Variants in ANKRD26 observed in about 807,000 individuals in gnomAD.
The protein encoded by ANKRD26 is ankyrin repeat domain 26.
Under a neutral mutation model 208.7 loss-of-function variants are expected in ANKRD26, and 141 were observed. The ratio of observed to expected loss-of-function variants is 0.68; its 90% CI spans 0.59 to 0.78. The LOEUF (loss-of-function observed/expected upper bound fraction) is 0.78. Ranked by LOEUF, ANKRD26 falls within the 30% of genes least tolerant of loss-of-function variation. The pLI, the probability that ANKRD26 is intolerant of heterozygous loss-of-function variation, is 0.00. For synonymous variants in ANKRD26, 636 were observed against 660.4 expected (o/e 0.96, Z 0.57); for missense variants, 1,889 against 1,938.7 (o/e 0.97, Z 0.48).
At chr10:27,063,259 A>T (rs911776620) in intron 12 of ANKRD26, among the ~76,000 whole-genome samples, 6 of 150,950 alleles carry the variant, frequency 4.0e-5, no homozygotes, top group African/African-American at 1.5e-4. Flanking sequence ...CTCATTTTAA[A>T]CTCTTCCTAC....
Position 27,004,447 on chromosome 10 carries a change from T to A in ANKRD26, c.*1143A>T, listed in dbSNP as rs1258038136. 6.6e-6 allele frequency: 1 copy of A among 152,068 alleles called. No homozygotes were observed. The highest frequency in any genetic ancestry group is 1.5e-5 in the Non-Finnish European group (1 of 68,008). 9.4% of individuals were successfully genotyped at this position (152,068 alleles called of 1,614,324 possible). ...ATGGGGAGTAGAGATATGTACATAG[T>A]CTCAAATTACCTCCCTGTAAAATAC... On this transcript the variant is annotated 3_prime_UTR_variant, in exon 34 of 34. Coordinates refer to ENST00000376087, the MANE Select transcript of ANKRD26 (RefSeq NM_014915.3).
intron 5 of ANKRD26, among the ~76,000 whole-genome samples, chr10:26,979,846 G>A (rs12251173): frequency 0.077 from 11,644 of 152,152 alleles, 1,387 homozygotes; most frequent in African/African-American, 0.26. Context: ...TCCTCAGACC[G>A]AGAGGGCTTT....
At chr10:27,081,032 T>G (rs762178293) in intron 6 of ANKRD26, 18 of 829,712 alleles carry the variant, frequency 2.2e-5, no homozygotes, top group Non-Finnish European at 2.5e-5. Flanking sequence ...AAGCCACCGA[T>G]AAGTTGAGGC....
intron 5 of ANKRD26, among the ~76,000 whole-genome samples, chr10:26,992,524 A>G (rs2052508760): frequency 6.6e-6 from 1 of 151,738 alleles, no homozygotes; most frequent in Non-Finnish European, 1.5e-5. Context: ...AAAAAGAGAG[A>G]GACTTTCCCA....
chr10:27,096,515 G>A (rs7922043), intron 1 of ANKRD26, among the ~76,000 whole-genome samples: 16,209 of 152,090 alleles, frequency 0.11, 1,379 homozygotes, highest in East Asian at 0.27. Flanking sequence ...TGTAATCCCA[G>A]CACTTTGGGA....
Position 27,042,824 on chromosome 10 carries a change from G to T in ANKRD26, c.2161+602C>A, listed in dbSNP as rs2054302140. Among the ~76,000 whole-genome samples the T allele has an allele frequency of 5.5e-5, 8 of 146,164 alleles. No homozygotes were observed. The South Asian group carries it at 1.6e-3, about 28-fold the overall frequency. On this transcript the variant is annotated intron_variant, in intron 20 of 33. Coordinates refer to ENST00000376087, the MANE Select transcript of ANKRD26 (RefSeq NM_014915.3). ...AAAAAAAAAAAAAAAAAAAAAGCTG[G>T]GTGTGGTGGCACACGCCTATCATAT...
chr10:27,017,892 T>C, intron 29 of ANKRD26, 100 bp from the exon 30 acceptor site: 2 of 1,125,008 alleles, frequency 1.8e-6, no homozygotes, highest in Non-Finnish European at 2.5e-6. Context: ...TCAGTTGCAA[T>C]AAAATGTCAC....
intron 5 of ANKRD26, among the ~76,000 whole-genome samples, chr10:26,994,771 C>T (rs1022324781): frequency 4.6e-5 from 7 of 152,112 alleles, no homozygotes; most frequent in Admixed American, 3.3e-4. Context: ...TGGGTTGCCC[C>T]GAGAAGGTTA....
intron 4 of ANKRD26, among the ~76,000 whole-genome samples, chr10:27,091,637 A>C (rs1320842424): frequency 6.6e-6 from 1 of 152,224 alleles, no homozygotes; most frequent in Non-Finnish European, 1.5e-5. Flanking sequence ...TTCTGAAGGA[A>C]AAGTACATAA....
intron 6 of ANKRD26, chr10:27,080,049 TG>T: frequency 2.5e-6 from 1 of 395,130 alleles, no homozygotes; most frequent in East Asian, 1.1e-4. Context: ...CCCAGCTACT[TG>T]GGAGGTGGAG....
At position 27,062,270 on chromosome 10, in the gene ANKRD26, G is replaced by A. The variant is rs189680243; in HGVS notation, c.1364-1028C>T. ...TCTCTTTGTTTCTTCTCCTCTGGAAGAAACATGCTCAGAAATAAAAGAAAA... is the reference window on the plus strand; with the variant it reads ...TCTCTTTGTTTCTTCTCCTCTGGAAAAAACATGCTCAGAAATAAAAGAAAA... On this transcript the variant is annotated intron_variant, in intron 12 of 33. Transcript: ENST00000376087. The A allele has an allele frequency of 3.3e-6, 3 of 915,444 alleles. No homozygotes were observed. In the East Asian group the frequency reaches 3.5e-4, roughly 108 times the overall value. The allele number at this position is 915,444 out of a possible 1,614,324, so 56.7% of individuals were successfully genotyped here.
At position 27,014,500 on chromosome 10, in the gene ANKRD26, A is replaced by C; in HGVS notation, c.4718T>G (p.Leu1573Arg). Residue 1573 changes from leucine to arginine, a missense_variant, in exon 31 of 34, where the codon CTA becomes CGA. This residue lies in a region of ANKRD26 where 613 missense variants were observed against 648.2 expected (regional missense o/e 0.95). Transcript: ENST00000376087. Reference sequence around the variant, plus strand: ...ATTCTATATTTTGACTTACTTGGTTAGTTTACTTGACAAAGATTTTCTAAC... The same window carrying C: ...ATTCTATATTTTGACTTACTTGGTTCGTTTACTTGACAAAGATTTTCTAAC... ...LKVRKSLSSKLTKTNERLAEV... is the reference protein window; with the variant it reads ...LKVRKSLSSKRTKTNERLAEV... 1 of 1,559,844 alleles carries C rather than the reference A, an allele frequency of 6.4e-7. No individual in the cohort carries two copies. The highest frequency in any genetic ancestry group is 2.3e-5 in the East Asian group (1 of 44,428).
exon 6 of ANKRD26, among the ~76,000 whole-genome samples, chr10:26,974,281 T>G (rs894926590): frequency 6.6e-6 from 1 of 152,230 alleles, no homozygotes; most frequent in Non-Finnish European, 1.5e-5. Context: ...TAGATTTACC[T>G]ACATAATTAC....
At chr10:26,973,938 T>C (rs1275988487) in exon 6 of ANKRD26, among the ~76,000 whole-genome samples, 2 of 152,104 alleles carry the variant, frequency 1.3e-5, no homozygotes, top group Non-Finnish European at 2.9e-5. Context: ...ATTACAGGCG[T>C]GAGCCACTGT....
intron 5 of ANKRD26, among the ~76,000 whole-genome samples, chr10:26,977,947 A>C (rs2052251253): frequency 6.6e-6 from 1 of 151,816 alleles, no homozygotes; most frequent in African/African-American, 2.4e-5. Flanking sequence ...CAACAACAAC[A>C]AAAAAAACAG....
At chr10:27,046,671 T>C (rs2054458899) in intron 17 of ANKRD26, 148 bp from the exon 18 acceptor site, 1 of 827,858 alleles carries the variant, frequency 1.2e-6, no homozygotes, top group Non-Finnish European at 1.8e-6. Context: ...ATAAAAATAA[T>C]TTTTTATAAA....
At chr10:27,085,122 A>T (rs1194126894) in intron 5 of ANKRD26, among the ~76,000 whole-genome samples, 2 of 151,054 alleles carry the variant, frequency 1.3e-5, no homozygotes, top group Non-Finnish European at 2.9e-5. Flanking sequence ...TTTTTTTGAG[A>T]TGGAGTCTCG....
At chr10:26,971,844 C>T (rs1470626009), downstream of ANKRD26, among the ~76,000 whole-genome samples, 2 of 152,124 alleles carry the variant, frequency 1.3e-5, no homozygotes, top group Admixed American at 1.3e-4. Flanking sequence ...TCATACCATC[C>T]TTCAATATTA....
rs1237450869 is a variant in ANKRD26 at position 27,037,974 on chromosome 10, T to C, written c.2456A>G (p.Lys819Arg). The change falls in exon 22 of 34, where the codon AAA becomes AGA. Residue 819 changes from lysine (K) to arginine (R), a missense_variant. By Grantham distance (26) the Lys-to-Arg change is conservative. Around this residue, in one of 3 missense-constraint regions of ANKRD26, gnomAD observed 1,272 missense variants for 1,273.8 expected, o/e 1.00. Coordinates refer to ENST00000376087, the MANE Select transcript of ANKRD26 (RefSeq NM_014915.3). ...AACTTCTTTCCTATATTGCTCTTCT[T>C]TTCTTCTTAACTGTTCCCTAATTTT... is the stretch of plus-strand genomic sequence containing the variant. ...YEKIREQLRR[K>R]EEQYRKEVEV... is the part of the protein sequence containing the mutation. 4 of 1,613,158 alleles carry C rather than the reference T, an allele frequency of 2.5e-6. No homozygotes were observed.
Sources: gnomAD v4.1 joint callset for allele counts (sites outside exome capture counted in the v4.1 genomes callset) on GRCh38, gnomAD v4.1.1 for gene constraint, gnomAD v4.1.1 regional missense constraint, MANE v1.5 for transcripts, NCBI Gene and HGNC (gene_info 2026-07-23, HGNC 2026-07-21) for gene names.